BRIP1: variants seen among roughly 807,000 people sequenced by gnomAD.
The protein encoded by BRIP1 is BRCA1 interacting DNA helicase 1, also known as Fanconi anemia group J protein.
In BRIP1, 88 loss-of-function variants were observed where a neutral mutation model predicts 119.7. The ratio of observed to expected loss-of-function variants is 0.74; its 90% CI spans 0.62 to 0.88. BRIP1 has a LOEUF of 0.88. BRIP1 is among the 40% of genes least tolerant of loss of function. The pLI, the probability that BRIP1 is intolerant of heterozygous loss-of-function variation, is 0.00. For synonymous variants in BRIP1, 443 were observed against 496.5 expected (o/e 0.89, Z 1.43); for missense variants, 1,259 against 1,455.4 (o/e 0.87, Z 2.20).
chr17:61,862,565 CT>C lies in BRIP1; in HGVS notation c.-31+718del, dbSNP rs1283329626. Among the ~76,000 whole-genome samples the C allele has an allele frequency of 3.3e-5, 5 of 152,136 alleles. No individual in the cohort carries two copies. The highest frequency in any genetic ancestry group is 3.3e-4 in the Admixed American group (5 of 15,280). On this transcript the variant is annotated intron_variant, in intron 1 of 19. Transcript: ENST00000259008. The surrounding 1 kb of genome is among the most constrained non-coding windows in gnomAD (Gnocchi z 5.3). ...ACGGATGTAATTCAGAGACAATGAC[CT>C]CTTGAAATTGCAAGCATAAGTTTCT... is the stretch of plus-strand genomic sequence containing the variant.
At position 61,744,523 on chromosome 17, in the gene BRIP1, T is replaced by C. The variant is rs2144698611; in HGVS notation, c.2166A>G (p.Thr722=). The part of the protein sequence containing the change: ...GLWHNLELVK[T]VIVEPQGGEK... ...CTCCTCCCTGTGGTTCTACAATGAC[T>C]GTCTTCACCAACTCCAGATTATGCC... Residue 722 remains threonine (T), a synonymous_variant, in exon 15 of 20, where the codon ACA becomes ACG. Transcript: ENST00000259008. The surrounding 1 kb of genome is among the most constrained non-coding windows in gnomAD (Gnocchi z 5.0). The C allele has an allele frequency of 6.2e-7, 1 of 1,613,886 alleles. No individual in the cohort carries two copies. The highest frequency in any genetic ancestry group is 8.5e-7 in the Non-Finnish European group (1 of 1,179,788).
In BRIP1 at chr17:61,809,442, A is replaced by G. The variant is rs1483014147; in HGVS notation, c.628-685T>C. Reference sequence around the variant, plus strand: ...TCATCCAGGGTAGTTTTTCCTGGACAATTTCACTTGTAACTCAGTTTCATA... The same window carrying G: ...TCATCCAGGGTAGTTTTTCCTGGACGATTTCACTTGTAACTCAGTTTCATA... On this transcript the variant is annotated intron_variant, in intron 6 of 19. Coordinates refer to ENST00000259008, the MANE Select transcript of BRIP1 (RefSeq NM_032043.3). The surrounding 1 kb of genome is among the most constrained non-coding windows in gnomAD (Gnocchi z 5.2). 1.3e-5 allele frequency among the ~76,000 whole-genome samples: 2 copies of G among 152,174 alleles called. No homozygotes were observed. Among genetic ancestry groups the G allele is most frequent in the Admixed American group, 1.3e-4 (2 of 15,268 alleles).
intron 17 of BRIP1, among the ~76,000 whole-genome samples, chr17:61,714,776 TA>T (rs1344881194): frequency 6.6e-6 from 1 of 151,744 alleles, no homozygotes; most frequent in African/African-American, 2.4e-5. Context: ...TAGTTTGTTT[TA>T]ACCCTTCTTC....
intron 14 of BRIP1, among the ~76,000 whole-genome samples, chr17:61,771,631 T>A (rs1167741164): frequency 6.6e-6 from 1 of 152,096 alleles, no homozygotes; most frequent in African/African-American, 2.4e-5. Flanking sequence ...AATTATGCAT[T>A]GACTATAAAA....
At chr17:61,765,280 T>C (rs752934154) in intron 14 of BRIP1, among the ~76,000 whole-genome samples, 81 of 147,914 alleles carry the variant, frequency 5.5e-4, no homozygotes, top group South Asian at 4.7e-3. Flanking sequence ...TTATTCTCCC[T>C]AGATTTTTCA....
At chr17:61,813,956 T>C (rs1436828645) in intron 6 of BRIP1, among the ~76,000 whole-genome samples, 2 of 152,130 alleles carry the variant, frequency 1.3e-5, no homozygotes, top group African/African-American at 4.8e-5. Flanking sequence ...AATTACAAAA[T>C]ATTCCTAAGT....
chr17:61,721,587 A>G (rs1213169733), intron 16 of BRIP1, among the ~76,000 whole-genome samples: 1 of 149,752 alleles, frequency 6.7e-6, no homozygotes, highest in Non-Finnish European at 1.5e-5. Flanking sequence ...AAAACCCAAA[A>G]CCCCACCCTT....
rs993246793 is a variant in BRIP1 at position 61,739,038 on chromosome 17, T to C, written c.2379+3975A>G. On this transcript the variant is annotated intron_variant, in intron 16 of 19. Coordinates refer to ENST00000259008, the MANE Select transcript of BRIP1 (RefSeq NM_032043.3). The surrounding 1 kb of genome is among the most constrained non-coding windows in gnomAD (Gnocchi z 6.0). ...TAGGGTCCAAGGAAGAGAGAGGACA[T>C]AGGCAAAAATGGAAATAATTAGTTT... 1.2e-5 allele frequency: 2 copies of C among 165,898 alleles called. No homozygotes were observed. Among genetic ancestry groups the C allele is most frequent in the African/African-American group, 2.4e-5 (1 of 41,900 alleles). The allele number at this position is 165,898 out of a possible 1,614,324, so 10.3% of individuals were successfully genotyped here. A position where few individuals can be genotyped will look rare whatever the true frequency, so the allele number is the denominator to read the frequency against.
Position 61,701,046 on chromosome 17 carries a change from G to A in BRIP1, c.2493-7534C>T, listed in dbSNP as rs1372077760. 5.3e-5 allele frequency among the ~76,000 whole-genome samples: 8 copies of A among 152,104 alleles called. No homozygotes were observed. ...ATTGATATTCCCTATTTAGTGAGGT[G>A]AGACATCATTCTCACAGTTTTTGAC... On this transcript the variant is annotated intron_variant, in intron 17 of 19. Coordinates refer to ENST00000259008, the MANE Select transcript of BRIP1 (RefSeq NM_032043.3). The surrounding 1 kb of genome is among the most constrained non-coding windows in gnomAD (Gnocchi z 5.1).
intron 14 of BRIP1, among the ~76,000 whole-genome samples, chr17:61,750,299 G>A (rs60302215): frequency 5.3e-4 from 81 of 152,238 alleles, no homozygotes; most frequent in African/African-American, 1.9e-3. Context: ...AGATGGTGTT[G>A]AGAAAACTGG....
At chr17:61,692,642 C>G (rs1450636240) in intron 18 of BRIP1, among the ~76,000 whole-genome samples, 1 of 152,098 alleles carries the variant, frequency 6.6e-6, no homozygotes, top group Non-Finnish European at 1.5e-5. Context: ...AAATGCAAAT[C>G]AAATCCACAC....
Position 61,842,059 on chromosome 17 carries a change from G to A in BRIP1, c.627+5042C>T, listed in dbSNP as rs966773326. ...CTAAATGTCCATCAACAGATGAATG[G>A]ATAAAGAAAATGTGACACATATACA... is the stretch of plus-strand genomic sequence containing the variant. On this transcript the variant is annotated intron_variant, in intron 6 of 19. Transcript: ENST00000259008. The surrounding 1 kb of genome is among the most constrained non-coding windows in gnomAD (Gnocchi z 5.1). Among the ~76,000 whole-genome samples, 1 of 152,116 alleles carries A rather than the reference G, an allele frequency of 6.6e-6. No homozygotes were observed. Among genetic ancestry groups the A allele is most frequent in the Non-Finnish European group, 1.5e-5 (1 of 68,006 alleles).
At chr17:61,847,689 GTTAC>G (rs1338856492) in intron 5 of BRIP1, among the ~76,000 whole-genome samples, 3 of 152,092 alleles carry the variant, frequency 2.0e-5, no homozygotes, top group Non-Finnish European at 4.4e-5. Context: ...TATTATCACT[GTTAC>G]TTACTAGATA....
intron 14 of BRIP1, among the ~76,000 whole-genome samples, chr17:61,749,962 G>A (rs935746948): frequency 2.6e-5 from 4 of 152,128 alleles, no homozygotes; most frequent in African/African-American, 4.8e-5. Flanking sequence ...GAAAGATCAC[G>A]TCTGTAAATA....
Position 61,748,934 on chromosome 17 carries a change from G to C in BRIP1, c.2098-4343C>G, listed in dbSNP as rs1286175441. Among the ~76,000 whole-genome samples, 1 of 152,166 alleles carries C rather than the reference G, an allele frequency of 6.6e-6. No individual in the cohort carries two copies. The highest frequency in any genetic ancestry group is 2.1e-4 in the South Asian group (1 of 4,826). ...GGGCAGATCACGAGGTCAGGAGATTGAGACCATCCTGGCTAACACGGTGAA... is the reference window on the plus strand; with the variant it reads ...GGGCAGATCACGAGGTCAGGAGATTCAGACCATCCTGGCTAACACGGTGAA... On this transcript the variant is annotated intron_variant, in intron 14 of 19. Coordinates refer to ENST00000259008, the MANE Select transcript of BRIP1 (RefSeq NM_032043.3). The surrounding 1 kb of genome is among the most constrained non-coding windows in gnomAD (Gnocchi z 4.7).
rs2078082640 is a variant in BRIP1, at chr17:61,806,917, C to T, written c.918+1550G>A. 6.6e-6 allele frequency among the ~76,000 whole-genome samples: 1 copy of T among 152,246 alleles called. No homozygotes were observed. Among genetic ancestry groups the T allele is most frequent in the South Asian group, 2.1e-4 (1 of 4,826 alleles). The stretch of plus-strand genomic sequence containing the variant: ...TTTGCCATGTTGGCCAGGCCAGTCT[C>T]GAACTCCTGACCTCAAGTGCCCGCC... On this transcript the variant is annotated intron_variant, in intron 7 of 19. Coordinates refer to ENST00000259008, the MANE Select transcript of BRIP1 (RefSeq NM_032043.3). This position sits in a 1 kb window ranked among gnomAD's most constrained non-coding sequence, Gnocchi z 4.9.
At chr17:61,727,331 G>A (rs1721046011) in intron 16 of BRIP1, among the ~76,000 whole-genome samples, 1 of 152,122 alleles carries the variant, frequency 6.6e-6, no homozygotes, top group Non-Finnish European at 1.5e-5. Flanking sequence ...ACAAACCTAA[G>A]CAAGAGCGAG....
At position 61,823,757 on chromosome 17, in the gene BRIP1, A is replaced by ACAC. The variant is rs750774935; in HGVS notation, c.628-15001_628-15000insGTG. ...GCTCAATGACCCCAAGCACACAATA[A>ACAC]ACACACACACACACACACACACACA... is the stretch of plus-strand genomic sequence containing the variant. On this transcript the variant is annotated intron_variant, in intron 6 of 19. Transcript: ENST00000259008. The surrounding 1 kb of genome is among the most constrained non-coding windows in gnomAD (Gnocchi z 4.8). 1.1e-3 allele frequency among the ~76,000 whole-genome samples: 144 copies of ACAC among 131,748 alleles called. No homozygotes were observed. Among genetic ancestry groups the ACAC allele is most frequent in the African/African-American group, 3.6e-3 (136 of 37,842 alleles). The allele number at this position is 131,748 out of a possible 152,430, so 86.4% of individuals were successfully genotyped here.
In BRIP1 at chr17:61,699,737, T is replaced by A. The variant is rs1316168260; in HGVS notation, c.2493-6225A>T. 1.3e-5 allele frequency among the ~76,000 whole-genome samples: 2 copies of A among 152,202 alleles called. No individual in the cohort carries two copies. The highest frequency in any genetic ancestry group is 2.9e-5 in the Non-Finnish European group (2 of 68,028). On this transcript the variant is annotated intron_variant, in intron 17 of 19. Transcript: ENST00000259008. This position sits in a 1 kb window ranked among gnomAD's most constrained non-coding sequence, Gnocchi z 4.8. The stretch of plus-strand genomic sequence containing the variant: ...CAGGAGGGTACCTGTGATTGACTGA[T>A]AAGAGTGTCTCACTGTGCCTGAACT...
Sources: allele counts gnomAD v4.1 joint callset (sites outside exome capture counted in the v4.1 genomes callset), GRCh38; gene constraint gnomAD v4.1.1; non-coding constraint Gnocchi (gnomAD v3.1); transcripts MANE v1.5; gene names NCBI Gene and HGNC (gene_info 2026-07-23, HGNC 2026-07-21).